Variants in SQLE observed in about 807,000 individuals in gnomAD.
SQLE encodes the protein squalene monooxygenase.
SQLE carries 29 observed loss-of-function variants against 60.7 expected under a neutral mutation model. The ratio of observed to expected loss-of-function variants is 0.48; its 90% confidence interval spans 0.36 to 0.65. The LOEUF (loss-of-function observed/expected upper bound fraction) is 0.65, where lower values mean the gene tolerates loss of function less well. SQLE is among the 30% of genes least tolerant of loss of function. SQLE has a pLI of 0.00. For synonymous variants in SQLE, 237 were observed against 246.8 expected (o/e 0.96, Z 0.37); for missense variants, 605 against 684.1 (o/e 0.88, Z 1.29).
chr8:125,008,823 C>T, intron 4 of SQLE, 148 bp from the exon 5 acceptor site: 2 of 479,200 alleles, frequency 4.2e-6, no homozygotes, highest in South Asian at 1.3e-4. Flanking sequence ...GCCCACGTAA[C>T]AGTTTCTTCA....
chr8:125,018,698 C>T lies in SQLE; in HGVS notation c.1415C>T (p.Ala472Val). 3 of 1,604,440 alleles carry T rather than the reference C, an allele frequency of 1.9e-6. No individual in the cohort carries two copies. The highest frequency in any genetic ancestry group is 1.7e-6 in the Non-Finnish European group (2 of 1,177,214). ...HSFVVNILAQ[A>V]LYELFSATDD... The stretch of plus-strand genomic sequence containing the variant: ...TTTGTCGTGAATATCCTTGCTCAGG[C>T]TCTTTATGAATTATTTTCTGCCACA... The change falls in exon 9 of 11, where the codon GCT (alanine) becomes GTT (valine). Residue 472 changes from alanine (A) to valine (V), a missense_variant. By Grantham distance (64) the Ala-to-Val change is moderately conservative (BLOSUM62 0). Transcript: ENST00000265896.
chr8:125,022,282 A>AACTT (rs1815224504), exon 11 of SQLE: 6 of 161,012 alleles, frequency 3.7e-5, no homozygotes. Context: ...ATGAAGAATG[A>AACTT]ACTTTCGTGT....
At chr8:125,012,086 T>G (rs1258273612) in intron 7 of SQLE, among the ~76,000 whole-genome samples, 1 of 151,826 alleles carries the variant, frequency 6.6e-6, no homozygotes, top group Non-Finnish European at 1.5e-5. Flanking sequence ...GATGAGGAAC[T>G]TCTAGGTAGA....
chr8:125,004,354 A>T (rs1157550657), intron 2 of SQLE, among the ~76,000 whole-genome samples: 1 of 152,158 alleles, frequency 6.6e-6, no homozygotes, highest in African/African-American at 2.4e-5. Context: ...ATTAAATATT[A>T]TGTCTTTAGG....
rs759202651 is a variant in SQLE at position 125,005,536 on chromosome 8, G to A, written c.556G>A (p.Gly186Ser). 15 of 1,595,322 alleles carry A rather than the reference G, an allele frequency of 9.4e-6. 1 individual carries two copies. The Admixed American group carries it at 2.6e-4, about 27-fold the overall frequency. The change falls in exon 3 of 11, where the codon GGT (glycine) becomes AGT (serine). Residue 186 changes from glycine to serine, a missense_variant. Gly to Ser is a moderately conservative substitution (Grantham distance 56). Transcript: ENST00000265896. ...CGATTGCTTTGCAGATACAGTGGAAGGTCTTGATGCCCAGGTTGTAAATGG... is the reference window on the plus strand; with the variant it reads ...CGATTGCTTTGCAGATACAGTGGAAAGTCTTGATGCCCAGGTTGTAAATGG... Reference protein sequence around the residue: ...KDLGLGDTVEGLDAQVVNGYM... With the variant: ...KDLGLGDTVESLDAQVVNGYM...
In SQLE at chr8:124,999,407, T is replaced by C. The variant is rs779249280; in HGVS notation, c.4T>C (p.Trp2Arg). 79 of 1,510,020 alleles carry C rather than the reference T, an allele frequency of 5.2e-5. No individual in the cohort carries two copies. Among genetic ancestry groups the C allele is most frequent in the Non-Finnish European group, 6.7e-5 (76 of 1,128,784 alleles). The allele number at this position is 1,510,020 out of a possible 1,614,324, so 93.5% of individuals were successfully genotyped here. A position where few individuals can be genotyped will look rare whatever the true frequency, so the allele number is the denominator to read the frequency against. The stretch of plus-strand genomic sequence containing the variant: ...CCACCAAAGAAGCCTTGGAACCATG[T>C]GGACTTTTCTGGGCATTGCCACTTT... M[W>R]TFLGIATFTY... The change falls in exon 1 of 11, where the codon TGG (tryptophan) becomes CGG (arginine). Residue 2 changes from tryptophan (W) to arginine (R), a missense_variant. Coordinates refer to ENST00000265896, the MANE Select transcript of SQLE (RefSeq NM_003129.4).
chr8:125,006,917 A>C (rs541871524), intron 3 of SQLE, among the ~76,000 whole-genome samples: 51 of 152,048 alleles, frequency 3.4e-4, no homozygotes, highest in Middle Eastern at 3.4e-3. Flanking sequence ...GTTGGCCAGG[A>C]TGGCCTTGAT....
intron 2 of SQLE, among the ~76,000 whole-genome samples, chr8:125,003,744 G>A (rs1213687254): frequency 6.6e-6 from 1 of 152,168 alleles, no homozygotes; most frequent in Non-Finnish European, 1.5e-5. Context: ...GTCATTTGTA[G>A]AGGGTATGTT....
In SQLE at chr8:125,003,545, A is replaced by G. The variant is rs1373670841; in HGVS notation, c.544+117A>G. 10 of 1,281,670 alleles carry G rather than the reference A, an allele frequency of 7.8e-6. No individual in the cohort carries two copies. In the South Asian group the frequency reaches 7.8e-5, roughly 10 times the overall value. 79.4% of individuals were successfully genotyped at this position (1,281,670 alleles called of 1,614,324 possible). On this transcript the variant is annotated intron_variant, in intron 2 of 10. Transcript: ENST00000265896. Reference sequence around the variant, plus strand: ...TTTATTTTCATTTATAAAATTTTCTATACTCATTTACCAACAAATTTGCAT... The same window carrying G: ...TTTATTTTCATTTATAAAATTTTCTGTACTCATTTACCAACAAATTTGCAT...
chr8:125,010,508 G>A (rs1035177446), intron 6 of SQLE, among the ~76,000 whole-genome samples: 5 of 151,686 alleles, frequency 3.3e-5, no homozygotes, highest in African/African-American at 1.2e-4. Context: ...TAAATATTCC[G>A]TTTTTTTCAA....
chr8:125,018,583 G>A (rs567751186), intron 8 of SQLE, 48 bp from the exon 9 acceptor site: 2 of 1,263,306 alleles, frequency 1.6e-6, no homozygotes, highest in East Asian at 2.4e-5. Flanking sequence ...ACATCAGTTT[G>A]TGCTTTTTTA....
At chr8:125,015,779 A>T (rs1390885527) in intron 7 of SQLE, among the ~76,000 whole-genome samples, 1 of 152,038 alleles carries the variant, frequency 6.6e-6, no homozygotes, top group Admixed American at 6.5e-5. Context: ...TTCTTGTGGG[A>T]AAGTTTGGTG....
intron 7 of SQLE, 39 bp from the exon 8 acceptor site, chr8:125,018,020 G>C: frequency 6.2e-7 from 1 of 1,603,256 alleles, no homozygotes; most frequent in South Asian, 1.1e-5. Context: ...TGTCTCAAGG[G>C]ATGCTCTAAA....
intron 9 of SQLE, among the ~76,000 whole-genome samples, chr8:125,020,129 A>G (rs1815179519): frequency 3.3e-5 from 5 of 152,242 alleles, no homozygotes; most frequent in Admixed American, 2.6e-4. Context: ...CCAACAAAAC[A>G]ACATTTTTTA....
Position 124,998,990 on chromosome 8 carries a change from T to C in SQLE, c.-414T>C. 1 of 288,534 alleles carries C rather than the reference T, an allele frequency of 3.5e-6. No homozygotes were observed. Among genetic ancestry groups the C allele is most frequent in the Non-Finnish European group, 6.3e-6 (1 of 157,502 alleles). 17.9% of individuals were successfully genotyped at this position (288,534 alleles called of 1,614,324 possible). Reference sequence around the variant, plus strand: ...GACCCTCCCTCCACTCCCATTCCCTTCTGAAAGGGCACCTGCTCTTGGTGA... The same window carrying C: ...GACCCTCCCTCCACTCCCATTCCCTCCTGAAAGGGCACCTGCTCTTGGTGA... On this transcript the variant is annotated 5_prime_UTR_variant, in exon 1 of 11. Coordinates refer to ENST00000265896, the MANE Select transcript of SQLE (RefSeq NM_003129.4).
At chr8:125,002,388 A>G (rs1017997752) in intron 1 of SQLE, among the ~76,000 whole-genome samples, 1 of 152,190 alleles carries the variant, frequency 6.6e-6, no homozygotes, top group African/African-American at 2.4e-5. Context: ...AATAATGAAA[A>G]TATCTAAGGC....
chr8:125,010,940 C>T (rs933586827), intron 6 of SQLE: 1 of 151,932 alleles, frequency 6.6e-6, no homozygotes, highest in Admixed American at 6.6e-5. Context: ...CTCCTCTATT[C>T]CCAGATCACA....
At chr8:125,014,759 T>C (rs968737560) in intron 7 of SQLE, among the ~76,000 whole-genome samples, 3 of 152,248 alleles carry the variant, frequency 2.0e-5, no homozygotes, top group African/African-American at 7.2e-5. Flanking sequence ...TTTATTCCAC[T>C]GTGGTCAGAG....
At chr8:125,021,714 T>C in intron 10 of SQLE, 39 bp from the exon 11 acceptor site, 1 of 1,449,434 alleles carries the variant, frequency 6.9e-7, no homozygotes, top group Non-Finnish European at 9.3e-7. Context: ...TAAATTTTAG[T>C]TTCTGAGTCT....
Sources: gnomAD v4.1 joint callset for allele counts (sites outside exome capture counted in the v4.1 genomes callset) on GRCh38, gnomAD v4.1.1 for gene constraint, MANE v1.5 for transcripts, NCBI Gene and HGNC (gene_info 2026-07-23, HGNC 2026-07-21) for gene names.